ZSCAN18: variants seen among roughly 807,000 people sequenced by gnomAD.
ZSCAN18 encodes zinc finger and SCAN domain-containing protein 18.
A neutral mutation model predicts 31.1 loss-of-function variants in ZSCAN18; 16 were observed. That is an observed-to-expected ratio of 0.51 (90% CI 0.35 to 0.78). The LOEUF (loss-of-function observed/expected upper bound fraction) is 0.78. Among genes scored for constraint, ZSCAN18 ranks in the 30% least tolerant of loss-of-function variants. The probability of loss-of-function intolerance (pLI) is 0.01; values close to 1 mark genes in which losing one functional copy is unlikely to be tolerated. For missense variants in ZSCAN18, 731 were observed against 697.4 expected (o/e 1.05, Z -0.54); for synonymous variants, 375 against 320.7 (o/e 1.17, Z -1.81).
upstream of ZSCAN18, among the ~76,000 whole-genome samples, chr19:58,103,118 TC>T (rs1439280148): frequency 2.0e-5 from 2 of 100,300 alleles, no homozygotes; most frequent in Non-Finnish European, 5.3e-5. Context: ...CGAGACTCTC[TC>T]TAAAAAAAAA....
chr19:58,086,476 G>A (rs1206482177), intron 5 of ZSCAN18: 5 of 527,658 alleles, frequency 9.5e-6, no homozygotes, highest in African/African-American at 3.8e-5. Flanking sequence ...GGCGGAGGCA[G>A]GACTCAGAGA....
Position 58,087,363 on chromosome 19 carries a change from C to A in ZSCAN18, c.595G>T (p.Val199Phe), listed in dbSNP as rs1204594849. ...PDPLFLEQRR[V>F]REAKTEEDGP... ...TCCTCTTCGGTCTTTGCTTCTCTGA[C>A]CCTCCTCTGTTCCAGAAACAGGGGG... The change falls in exon 4 of 7, where the codon GTC becomes TTC. Residue 199 changes from valine to phenylalanine, a missense_variant. By Grantham distance (50) the Val-to-Phe change is conservative (BLOSUM62 -1). Around this residue, in one of 4 missense-constraint regions of ZSCAN18, gnomAD observed 597 missense variants for 499.5 expected, o/e 1.20. Coordinates refer to ENST00000601144, the MANE Select transcript of ZSCAN18 (RefSeq NM_001145543.2). The A allele has an allele frequency of 2.5e-6, 4 of 1,607,574 alleles. No individual in the cohort carries two copies. Among genetic ancestry groups the A allele is most frequent in the African/African-American group, 2.7e-5 (2 of 74,874 alleles).
exon 1 of ZSCAN18, chr19:58,118,298 G>C: frequency 6.6e-7 from 1 of 1,511,196 alleles, no homozygotes; most frequent in East Asian, 2.7e-5. Flanking sequence ...CGACCGGTGG[G>C]CGGGAACGGA....
intron 1 of ZSCAN18, among the ~76,000 whole-genome samples, chr19:58,116,154 C>A (rs1347979692): frequency 6.7e-6 from 1 of 149,644 alleles, no homozygotes; most frequent in Non-Finnish European, 1.5e-5. Flanking sequence ...ACACCCCATA[C>A]TCCATATTGC....
chr19:58,087,685 T>A, intron 3 of ZSCAN18: 1 of 340,842 alleles, frequency 2.9e-6, no homozygotes, highest in Non-Finnish European at 5.5e-6. Flanking sequence ...TCTTGCTCTG[T>A]CACCTAGGCT....
In ZSCAN18 at chr19:58,086,262, A is replaced by T; in HGVS notation, c.750T>A (p.Tyr250Ter). 1 of 1,613,720 alleles carries T rather than the reference A, an allele frequency of 6.2e-7. No homozygotes were observed. The highest frequency in any genetic ancestry group is 8.5e-7 in the Non-Finnish European group (1 of 1,179,746). The change falls in exon 6 of 7, where the codon TAT (tyrosine) becomes TAA (stop). Residue 250 changes from tyrosine (Y) to a stop codon, truncating the protein, a stop_gained. Transcript: ENST00000601144. LOFTEE classifies it high-confidence loss of function. The stretch of plus-strand genomic sequence containing the variant: ...AGGCAGCGTCAGGCTGGGAAAGCTG[A>T]TACCCTGAGTGGGGTTAAAAACCAA... ...KSYRKLLLWG[Y>*]QLSQPDAASR...
chr19:58,102,406 A>C (rs1477923969), upstream of ZSCAN18, among the ~76,000 whole-genome samples: 2 of 152,148 alleles, frequency 1.3e-5, no homozygotes, highest in African/African-American at 4.8e-5. Context: ...GCTTGCAGAG[A>C]GCCAAGATCA....
At chr19:58,100,247 GC>G (rs1292132876), upstream of ZSCAN18, among the ~76,000 whole-genome samples, 1 of 152,030 alleles carries the variant, frequency 6.6e-6, no homozygotes, top group Non-Finnish European at 1.5e-5. Flanking sequence ...GAGCCACCAT[GC>G]CCAGTCTTTC....
upstream of ZSCAN18, among the ~76,000 whole-genome samples, chr19:58,101,349 C>G (rs1036544524): frequency 6.3e-5 from 9 of 142,216 alleles, no homozygotes; most frequent in East Asian, 1.0e-3. Context: ...CAGGGTTTCA[C>G]CATGTTAGCC....
At chr19:58,112,304 C>T (rs940334763) in intron 1 of ZSCAN18, among the ~76,000 whole-genome samples, 5 of 152,152 alleles carry the variant, frequency 3.3e-5, no homozygotes, top group African/African-American at 7.2e-5. Flanking sequence ...CAAAATGTCC[C>T]GATTACAGGT....
At chr19:58,091,550 G>A (rs1165705584) in intron 1 of ZSCAN18, among the ~76,000 whole-genome samples, 7 of 147,468 alleles carry the variant, frequency 4.7e-5, no homozygotes, top group East Asian at 2.1e-4. Context: ...GGGGTGGGGG[G>A]TGGGGGAGAC....
chr19:58,108,719 T>A, intron 1 of ZSCAN18: 1 of 985,506 alleles, frequency 1.0e-6, no homozygotes, highest in Non-Finnish European at 1.2e-6. Flanking sequence ...TAAGGACATG[T>A]GTCCCTATCA....
rs528496908 is a variant in ZSCAN18, at chr19:58,087,208, G to A, written c.642+108C>T. ...ACCAGGGTGGGTTCTGGGCCTCAGCGCTGTGGACGTTTGGGGCCACAGCCC... is the reference window on the plus strand; with the variant it reads ...ACCAGGGTGGGTTCTGGGCCTCAGCACTGTGGACGTTTGGGGCCACAGCCC... On this transcript the variant is annotated intron_variant, in intron 4 of 6. Transcript: ENST00000601144. 5.3e-4 allele frequency: 667 copies of A among 1,250,282 alleles called. 1 individual carries two copies. The highest frequency in any genetic ancestry group is 4.0e-3 in the African/African-American group (271 of 67,242). The allele number at this position is 1,250,282 out of a possible 1,614,324, so 77.4% of individuals were successfully genotyped here.
intron 1 of ZSCAN18, chr19:58,107,758 TA>T: frequency 1.0e-6 from 1 of 991,190 alleles, no homozygotes. Flanking sequence ...TGAATCCCCA[TA>T]GGTCTCAGTC....
rs562737490 is a variant in ZSCAN18, at chr19:58,111,953, AC to A, written c.130+6313del. 3.2e-3 allele frequency among the ~76,000 whole-genome samples: 482 copies of A among 152,336 alleles called. 4 individuals carry two copies. The highest frequency in any genetic ancestry group is 4.8e-3 in the Non-Finnish European group (328 of 68,036). ...TCACAATAACAGGATAAAGAAAAAA[AC>A]ACGACCATCTCAAATGATGCATTAA... On this transcript the variant is annotated intron_variant, in intron 1 of 1. Transcript: ENST00000595721.
At chr19:58,091,098 C>T (rs549283180) in intron 1 of ZSCAN18, among the ~76,000 whole-genome samples, 1 of 151,208 alleles carries the variant, frequency 6.6e-6, no homozygotes, top group African/African-American at 2.4e-5. Flanking sequence ...GGTGAAACCC[C>T]GTCTCTACTA....
upstream of ZSCAN18, among the ~76,000 whole-genome samples, chr19:58,100,694 T>TCAGGAGTGCAAGACCAGCCTGGC (rs71188076): frequency 6.7e-6 from 1 of 148,704 alleles, no homozygotes; most frequent in African/African-American, 2.5e-5. Flanking sequence ...GATCACGAGG[T>TCAGGAGTGCAAGACCAGCCTGGC]CAACATGGTG....
chr19:58,115,352 TTTATA>T, intron 1 of ZSCAN18, among the ~76,000 whole-genome samples: 1 of 152,242 alleles, frequency 6.6e-6, no homozygotes, highest in Admixed American at 6.5e-5. Flanking sequence ...ATTTAAATAT[TTTATA>T]TTAAAGATAT....
At chr19:58,086,090 T>C in intron 6 of ZSCAN18, 84 bp downstream of exon 6, 14 of 1,158,104 alleles carry the variant, frequency 1.2e-5, no homozygotes, top group South Asian at 6.4e-5. Context: ...TTGCTGGGGC[T>C]GATGGCGCTG....
Sources: allele counts gnomAD v4.1 joint callset (sites outside exome capture counted in the v4.1 genomes callset), GRCh38; gene constraint gnomAD v4.1.1; regional missense constraint gnomAD v4.1.1; transcripts MANE v1.5; gene names NCBI Gene and HGNC (gene_info 2026-07-23, HGNC 2026-07-21).